Variants in ECE1 observed in about 807,000 individuals in gnomAD.
The protein encoded by ECE1 is endothelin converting enzyme 1, also known as endothelin-converting enzyme 1.
In ECE1, 35 loss-of-function variants were observed where a neutral mutation model predicts 98.6. The ratio of observed to expected loss-of-function variants is 0.35; its 90% confidence interval spans 0.27 to 0.47. The LOEUF is 0.47. Ranked by LOEUF, ECE1 falls within the 20% of genes least tolerant of loss-of-function variation. ECE1 has a pLI of 1.00. For synonymous variants in ECE1, 394 were observed against 407.1 expected, an observed-to-expected ratio of 0.97 and a Z score of 0.39; for missense variants, 814 against 1,025.3, an observed-to-expected ratio of 0.79 and a Z score of 2.81.
intron 1 of ECE1, chr1:21,298,642 C>T (rs1475194009): frequency 7.2e-6 from 3 of 414,436 alleles, no homozygotes; most frequent in African/African-American, 4.0e-5. Flanking sequence ...ACCTGGGGCT[C>T]GGTGGCACAT....
chr1:21,318,799 G>C (rs754886111), intron 1 of ECE1, among the ~76,000 whole-genome samples: 6 of 152,154 alleles, frequency 3.9e-5, no homozygotes, highest in African/African-American at 1.4e-4. Flanking sequence ...GCCAAAAAGC[G>C]GACGGGGGAG....
At chr1:21,227,043 G>T in intron 16 of ECE1, 116 bp downstream of exon 16, 2 of 1,002,276 alleles carry the variant, frequency 2.0e-6, no homozygotes, top group South Asian at 1.3e-5. Flanking sequence ...TTTTAGTAGA[G>T]ATGGAGGTCT....
At chr1:21,221,973 C>T in intron 17 of ECE1, 131 bp from the exon 18 acceptor site, 2 of 825,342 alleles carry the variant, frequency 2.4e-6, no homozygotes, top group South Asian at 2.7e-5. Context: ...GGCCTGGGCT[C>T]AGCCTAGGGG....
At chr1:21,262,228 A>G (rs968272227) in intron 4 of ECE1, among the ~76,000 whole-genome samples, 6 of 152,064 alleles carry the variant, frequency 3.9e-5, no homozygotes, top group African/African-American at 1.4e-4. Context: ...GGGGCTATGG[A>G]GGGTTCGTAC....
intron 6 of ECE1, 112 bp from the exon 7 acceptor site, chr1:21,257,702 C>T (rs2098221627): frequency 7.0e-6 from 8 of 1,135,884 alleles, no homozygotes; most frequent in Non-Finnish European, 1.1e-5. Flanking sequence ...CCAGCTCAGG[C>T]CCTTGGAGAA....
chr1:21,256,085 G>A lies in ECE1; in HGVS notation c.882C>T (p.Gly294=), dbSNP rs776334883. 1.6e-5 allele frequency: 26 copies of A among 1,609,622 alleles called. No homozygotes were observed. Among genetic ancestry groups the A allele is most frequent in the Admixed American group, 5.0e-5 (3 of 59,934 alleles). Residue 294 remains glycine (G), a synonymous_variant, in exon 8 of 19, where the codon GGC becomes GGT. Transcript: ENST00000374893. ...GGGGCCGGATGGCCTCCTCGTCCCC[G>A]CCGCCCAGCAGCTTCCCCAGCTGGA... is the stretch of plus-strand genomic sequence containing the variant. ...YMVQLGKLLG[G]GDEEAIRPQM...
intron 2 of ECE1, among the ~76,000 whole-genome samples, chr1:21,285,185 G>A (rs954454246): frequency 2.0e-5 from 3 of 152,110 alleles, no homozygotes; most frequent in Non-Finnish European, 4.4e-5. Context: ...AATATGATCC[G>A]TTGTAGGGGA....
intron 1 of ECE1, among the ~76,000 whole-genome samples, chr1:21,310,687 TG>T (rs1638700606): frequency 1.3e-5 from 2 of 151,948 alleles, no homozygotes; most frequent in Non-Finnish European, 2.9e-5. Context: ...TTTGGGTACT[TG>T]GGTATGGGTG....
intron 10 of ECE1, among the ~76,000 whole-genome samples, chr1:21,243,834 G>T (rs1331629822): frequency 6.6e-6 from 1 of 152,226 alleles, no homozygotes; most frequent in Admixed American, 6.5e-5. Context: ...TTTGTCCTCT[G>T]CAGGGCAGTA....
In ECE1 at chr1:21,345,036, C is replaced by A; in HGVS notation, c.3+340G>T. Reference sequence around the variant, plus strand: ...AGCCCGGCTGCCCTGGGTCTCCAAGCCAAGCTGAGTCCAGGGACTTCAGAA... The same window carrying A: ...AGCCCGGCTGCCCTGGGTCTCCAAGACAAGCTGAGTCCAGGGACTTCAGAA... On this transcript the variant is annotated intron_variant, in intron 1 of 18. Coordinates refer to the ECE1 transcript ENST00000415912. The surrounding 1 kb of genome is among the most constrained non-coding windows in gnomAD (Gnocchi z 5.1). The A allele has an allele frequency of 5.5e-6, 1 of 181,782 alleles. No individual in the cohort carries two copies. The highest frequency in any genetic ancestry group is 2.0e-4 in the South Asian group (1 of 5,080). 11.3% of individuals were successfully genotyped at this position (181,782 alleles called of 1,614,324 possible). A position where few individuals can be genotyped will look rare whatever the true frequency, so the allele number is the denominator to read the frequency against.
intron 14 of ECE1, among the ~76,000 whole-genome samples, chr1:21,231,333 G>A (rs983531272): frequency 1.3e-5 from 2 of 152,220 alleles, no homozygotes; most frequent in East Asian, 3.9e-4. Flanking sequence ...ACAGCCATGG[G>A]AACATACTGA....
intron 1 of ECE1, among the ~76,000 whole-genome samples, chr1:21,343,180 A>T (rs1396930205): frequency 1.3e-5 from 2 of 152,200 alleles, no homozygotes; most frequent in African/African-American, 2.4e-5. Flanking sequence ...CTCTCCAAGG[A>T]CGTGCCAAAA....
At chr1:21,279,143 C>A in intron 3 of ECE1, 48 bp downstream of exon 3, 1 of 1,613,850 alleles carries the variant, frequency 6.2e-7, no homozygotes, top group Non-Finnish European at 8.5e-7. Flanking sequence ...CTGACGGAGC[C>A]GGGTGCAGGA....
intron 4 of ECE1, chr1:21,266,263 G>C (rs1273314431): frequency 2.0e-5 from 3 of 152,296 alleles, no homozygotes; most frequent in Non-Finnish European, 4.4e-5. Context: ...GGGTGTCTGG[G>C]AATCGTGCGG....
chr1:21,304,618 C>A (rs548738933), intron 1 of ECE1, among the ~76,000 whole-genome samples: 1 of 152,132 alleles, frequency 6.6e-6, no homozygotes, highest in Non-Finnish European at 1.5e-5. Flanking sequence ...AGCCATATGG[C>A]GACAGACATC....
At chr1:21,288,228 G>T (rs78380100) in intron 2 of ECE1, among the ~76,000 whole-genome samples, 1 of 152,156 alleles carries the variant, frequency 6.6e-6, no homozygotes, top group African/African-American at 2.4e-5. Context: ...AGACAACAGC[G>T]ACGTGACCCC....
intron 4 of ECE1, among the ~76,000 whole-genome samples, chr1:21,261,711 G>A (rs1484518147): frequency 6.6e-6 from 1 of 152,238 alleles, no homozygotes; most frequent in Non-Finnish European, 1.5e-5. Context: ...AGACACGACA[G>A]TGCTATGAAC....
chr1:21,246,498 C>CAAAAAA (rs368916726), intron 9 of ECE1, among the ~76,000 whole-genome samples: 19 of 96,378 alleles, frequency 2.0e-4, no homozygotes, highest in African/African-American at 5.5e-4. Flanking sequence ...GACTCCATCT[C>CAAAAAA]AAAAAAAAAA....
At chr1:21,325,167 G>C (rs213027) in intron 1 of ECE1, among the ~76,000 whole-genome samples, 1 of 151,958 alleles carries the variant, frequency 6.6e-6, no homozygotes, top group Non-Finnish European at 1.5e-5. Flanking sequence ...CACAGAGACG[G>C]GGCCCTTGTG....
Sources: allele counts gnomAD v4.1 joint callset (sites outside exome capture counted in the v4.1 genomes callset), GRCh38; gene constraint gnomAD v4.1.1; non-coding constraint Gnocchi (gnomAD v3.1); transcripts MANE v1.5; gene names NCBI Gene and HGNC (gene_info 2026-07-23, HGNC 2026-07-21).